The following SGCZ variants were observed in gnomAD, a reference collection of about 807,000 sequenced individuals.
SGCZ encodes sarcoglycan zeta.
In SGCZ, 40 loss-of-function variants were observed where a neutral mutation model predicts 41.3. The ratio of observed to expected loss-of-function variants is 0.97; its 90% CI spans 0.75 to 1.26. The LOEUF is 1.26. Ranked by LOEUF, SGCZ falls within the 50% of genes most tolerant of loss-of-function variation. SGCZ has a pLI of 0.00. For synonymous variants in SGCZ, 206 were observed against 137.5 expected (o/e 1.50, Z -3.49); for missense variants, 552 against 369.8 (o/e 1.49, Z -4.04).
chr8:14,952,923 C>A (rs1800685176), intron 1 of SGCZ, among the ~76,000 whole-genome samples: 1 of 152,056 alleles, frequency 6.6e-6, no homozygotes, highest in African/African-American at 2.4e-5. Flanking sequence ...GATTCAGCTA[C>A]AAATGAAATC....
At chr8:14,929,179 G>T (rs1013530312) in intron 1 of SGCZ, among the ~76,000 whole-genome samples, 2 of 151,982 alleles carry the variant, frequency 1.3e-5, no homozygotes, top group Non-Finnish European at 2.9e-5. Context: ...TTTTAGTAGA[G>T]ATGGGGTTTC....
intron 2 of SGCZ, among the ~76,000 whole-genome samples, chr8:14,494,480 A>G (rs948732255): frequency 6.4e-4 from 98 of 152,280 alleles, no homozygotes; most frequent in African/African-American, 2.3e-3. Context: ...TAAAGTTAAT[A>G]AAGTTAAAGT....
At chr8:15,149,679 C>A (rs563551088) in intron 1 of SGCZ, among the ~76,000 whole-genome samples, 1 of 143,600 alleles carries the variant, frequency 7.0e-6, no homozygotes, top group Non-Finnish European at 1.5e-5. Context: ...AAAACAGTCA[C>A]CTTTAACGAC....
intron 1 of SGCZ, among the ~76,000 whole-genome samples, chr8:15,064,089 G>A (rs1267786270): frequency 6.6e-6 from 1 of 152,090 alleles, no homozygotes; most frequent in Non-Finnish European, 1.5e-5. Flanking sequence ...TTCCGCAAAT[G>A]TTTCTCACTT....
intron 2 of SGCZ, among the ~76,000 whole-genome samples, chr8:14,536,509 T>C (rs978683656): frequency 5.3e-5 from 8 of 151,872 alleles, no homozygotes; most frequent in African/African-American, 1.9e-4. Context: ...CCTTAGCATA[T>C]AGAAATTATT....
At chr8:14,398,930 C>T (rs137886169) in intron 2 of SGCZ, among the ~76,000 whole-genome samples, 9 of 152,088 alleles carry the variant, frequency 5.9e-5, no homozygotes, top group South Asian at 2.1e-4. Flanking sequence ...TGCATTCTTC[C>T]GTTACAATTT....
chr8:14,326,130 A>AAAAAAAAAAAAAAAAAAAT, intron 2 of SGCZ, among the ~76,000 whole-genome samples: 1 of 148,586 alleles, frequency 6.7e-6, no homozygotes. Context: ...AAAAAAAAAA[A>AAAAAAAAAAAAAAAAAAAT]GATGAGGACG....
chr8:14,760,845 G>T (rs185742036), intron 1 of SGCZ, among the ~76,000 whole-genome samples: 78 of 152,170 alleles, frequency 5.1e-4, no homozygotes, highest in African/African-American at 1.8e-3. Context: ...TAAATTAATT[G>T]AGGGCCCTGT....
At chr8:15,105,235 T>C (rs1301924637) in intron 1 of SGCZ, among the ~76,000 whole-genome samples, 2 of 152,206 alleles carry the variant, frequency 1.3e-5, no homozygotes, top group Non-Finnish European at 2.9e-5. Context: ...TATTAATAGA[T>C]CAAATACGTT....
At chr8:14,444,007 G>C (rs1244583441) in intron 2 of SGCZ, among the ~76,000 whole-genome samples, 1 of 152,148 alleles carries the variant, frequency 6.6e-6, no homozygotes, top group Non-Finnish European at 1.5e-5. Context: ...TGAAGGATAT[G>C]AACAGACGCT....
chr8:14,710,243 G>A (rs1809471079), intron 1 of SGCZ, among the ~76,000 whole-genome samples: 1 of 151,784 alleles, frequency 6.6e-6, no homozygotes, highest in African/African-American at 2.4e-5. Context: ...GGTGGCAGGC[G>A]CCTGTAGTCC....
chr8:15,007,319 A>G (rs1802641329), intron 1 of SGCZ, among the ~76,000 whole-genome samples: 1 of 152,240 alleles, frequency 6.6e-6, no homozygotes, highest in Admixed American at 6.5e-5. Flanking sequence ...CGTCTTATAA[A>G]AAATTTAAAT....
At chr8:14,887,138 A>G (rs1376119820) in intron 1 of SGCZ, among the ~76,000 whole-genome samples, 1 of 152,270 alleles carries the variant, frequency 6.6e-6, no homozygotes, top group East Asian at 1.9e-4. Flanking sequence ...GGAAATGCCA[A>G]ACAGACAGAC....
At chr8:15,101,710 A>G (rs1806621677) in intron 1 of SGCZ, among the ~76,000 whole-genome samples, 1 of 152,122 alleles carries the variant, frequency 6.6e-6, no homozygotes, top group African/African-American at 2.4e-5. Context: ...GCAGGCAGAT[A>G]CTTGAAGTCA....
chr8:15,114,100 T>C (rs1807172046), intron 1 of SGCZ, among the ~76,000 whole-genome samples: 1 of 152,218 alleles, frequency 6.6e-6, no homozygotes, highest in Non-Finnish European at 1.5e-5. Context: ...TTAATTTGCT[T>C]AATTCTATTT....
rs142327855 is a variant in SGCZ at position 14,596,550 on chromosome 8, C to A, written c.40-41624G>T. Among the ~76,000 whole-genome samples, 4 of 152,014 alleles carry A rather than the reference C, an allele frequency of 2.6e-5. No homozygotes were observed. The East Asian group carries it at 5.8e-4, about 22-fold the overall frequency. On this transcript the variant is annotated intron_variant, in intron 1 of 7. Coordinates refer to ENST00000382080, the MANE Select transcript of SGCZ (RefSeq NM_139167.4). ...CTTAATAATAAAATATTTATTTTTT[C>A]TTTTTTTGCTCTGTGAATTGAACCA...
At chr8:14,257,912 A>G (rs373978754) in intron 3 of SGCZ, among the ~76,000 whole-genome samples, 1 of 152,224 alleles carries the variant, frequency 6.6e-6, no homozygotes, top group Non-Finnish European at 1.5e-5. Context: ...AAAGATATAG[A>G]TATAGATATA....
At chr8:15,074,094 C>A (rs554765899) in intron 1 of SGCZ, among the ~76,000 whole-genome samples, 22 of 152,266 alleles carry the variant, frequency 1.4e-4, no homozygotes, top group African/African-American at 3.8e-4. Context: ...GCATTGTGGC[C>A]TAAGGACAAA....
At chr8:14,511,029 T>C (rs962988838) in intron 2 of SGCZ, among the ~76,000 whole-genome samples, 6 of 152,142 alleles carry the variant, frequency 3.9e-5, no homozygotes, top group South Asian at 4.1e-4. Context: ...ATTTTTCTTT[T>C]GGATAAAATC....
Sources: gnomAD v4.1 joint callset for allele counts (sites outside exome capture counted in the v4.1 genomes callset) on GRCh38, gnomAD v4.1.1 for gene constraint, MANE v1.5 for transcripts, NCBI Gene and HGNC (gene_info 2026-07-23, HGNC 2026-07-21) for gene names.